Variants in SMAD2 observed in about 807,000 individuals in gnomAD.
The protein encoded by SMAD2 is SMAD family member 2, also known as MAD homolog 2.
In SMAD2, 8 loss-of-function variants were observed where a neutral mutation model predicts 64.4. That is an observed-to-expected ratio of 0.12 (90% confidence interval 0.07 to 0.22). SMAD2 has a LOEUF of 0.22. Ranked by LOEUF, SMAD2 falls within the 10% of genes least tolerant of loss-of-function variation. The probability of loss-of-function intolerance (pLI) is 1.00; values close to 1 mark genes in which losing one functional copy is unlikely to be tolerated. For synonymous variants in SMAD2, 203 were observed against 195.8 expected, an observed-to-expected ratio of 1.04 and a Z score of -0.31; for missense variants, 289 against 561.2, an observed-to-expected ratio of 0.51 and a Z score of 4.90.
chr18:47,910,452 G>T (rs1443878614), intron 1 of SMAD2, among the ~76,000 whole-genome samples: 1 of 152,170 alleles, frequency 6.6e-6, no homozygotes, highest in Non-Finnish European at 1.5e-5. Flanking sequence ...TCCATTACAT[G>T]GGCACTGAAA....
chr18:47,860,358 A>ACCT (rs1477673683), intron 6 of SMAD2, among the ~76,000 whole-genome samples: 2 of 151,646 alleles, frequency 1.3e-5, no homozygotes, highest in East Asian at 3.9e-4. Context: ...TGCAACCTCC[A>ACCT]CCTCCTGGGC....
At chr18:47,860,023 T>G (rs894570594) in intron 6 of SMAD2, among the ~76,000 whole-genome samples, 2 of 152,024 alleles carry the variant, frequency 1.3e-5, no homozygotes, top group Non-Finnish European at 2.9e-5. Context: ...TGGTCCCAGC[T>G]TCTCGAGAGG....
At chr18:47,860,075 G>T (rs963792162) in intron 6 of SMAD2, among the ~76,000 whole-genome samples, 2 of 152,062 alleles carry the variant, frequency 1.3e-5, no homozygotes, top group Non-Finnish European at 2.9e-5. Context: ...GGTTGAGGCT[G>T]CCGTGAGCCA....
chr18:47,869,512 AT>A (rs1308143353), intron 3 of SMAD2, 76 bp from the exon 4 acceptor site: 126 of 981,150 alleles, frequency 1.3e-4, no homozygotes, highest in Admixed American at 7.9e-4. Context: ...AATGGGCTAA[AT>A]TAGTACAATA....
At position 47,837,703 on chromosome 18, in the gene SMAD2, T is replaced by G. The variant is rs1187533219; in HGVS notation, c.*4124A>C. Reference sequence around the variant, plus strand: ...AATAGATTTAGCAAAGTAAAGCATATGAAAGGAAGAAATGTTTGATATGTC... The same window carrying G: ...AATAGATTTAGCAAAGTAAAGCATAGGAAAGGAAGAAATGTTTGATATGTC... On this transcript the variant is annotated 3_prime_UTR_variant, in exon 11 of 11. Transcript: ENST00000262160. 1.7e-5 allele frequency: 4 copies of G among 232,604 alleles called. No individual in the cohort carries two copies. Among genetic ancestry groups the G allele is most frequent in the Non-Finnish European group, 3.4e-5 (4 of 117,792 alleles). The allele number at this position is 232,604 out of a possible 1,614,324, so 14.4% of individuals were successfully genotyped here.
In SMAD2 at chr18:47,861,574, G is replaced by A. The variant is rs559639834; in HGVS notation, c.730+3485C>T. Among the ~76,000 whole-genome samples, 11 of 152,276 alleles carry A rather than the reference G, an allele frequency of 7.2e-5. No homozygotes were observed. The South Asian group carries it at 1.2e-3, about 17-fold the overall frequency. On this transcript the variant is annotated intron_variant, in intron 6 of 10. Transcript: ENST00000262160. Reference sequence around the variant, plus strand: ...AAAAAATTTATCTAATGAAAGACATGCTATACATCTACATCAAAAACTGTT... The same window carrying A: ...AAAAAATTTATCTAATGAAAGACATACTATACATCTACATCAAAAACTGTT...
chr18:47,882,075 CAG>C (rs1283120109), intron 2 of SMAD2, among the ~76,000 whole-genome samples: 1 of 57,718 alleles, frequency 1.7e-5, no homozygotes, highest in Non-Finnish European at 3.2e-5. Flanking sequence ...TTTGTGGAGA[CAG>C]AGTCTTATGT....
chr18:47,878,254 T>A (rs1175693061), intron 2 of SMAD2: 2 of 152,210 alleles, frequency 1.3e-5, no homozygotes, highest in African/African-American at 4.8e-5. Context: ...TAATACCAAG[T>A]CTTCCTAATC....
intron 2 of SMAD2, among the ~76,000 whole-genome samples, chr18:47,892,189 T>C (rs962596764): frequency 1.4e-5 from 2 of 145,802 alleles, no homozygotes; most frequent in Admixed American, 7.2e-5. Flanking sequence ...CAATAAACAT[T>C]ACCTAGACAT....
chr18:47,837,602 A>G lies in SMAD2; in HGVS notation c.*4225T>C, dbSNP rs1305304248. On this transcript the variant is annotated 3_prime_UTR_variant, in exon 11 of 11. Coordinates refer to ENST00000262160, the MANE Select transcript of SMAD2 (RefSeq NM_005901.6). ...AAACAAAAAACAAGGCTAACAAGAAAGAGGATAACCAGCAAGTACCACCTG... is the reference window on the plus strand; with the variant it reads ...AAACAAAAAACAAGGCTAACAAGAAGGAGGATAACCAGCAAGTACCACCTG... 2 of 232,808 alleles carry G rather than the reference A, an allele frequency of 8.6e-6. No homozygotes were observed. Among genetic ancestry groups the G allele is most frequent in the Admixed American group, 1.1e-4 (2 of 17,732 alleles). The allele number at this position is 232,808 out of a possible 1,614,324, so 14.4% of individuals were successfully genotyped here. A position where few individuals can be genotyped will look rare whatever the true frequency, so the allele number is the denominator to read the frequency against.
At chr18:47,887,416 T>G (rs976736314) in intron 2 of SMAD2, among the ~76,000 whole-genome samples, 7 of 152,184 alleles carry the variant, frequency 4.6e-5, no homozygotes, top group Non-Finnish European at 8.8e-5. Flanking sequence ...CTGGCTGGAC[T>G]GTAATCTGAT....
chr18:47,870,389 T>C, intron 3 of SMAD2, 86 bp downstream of exon 3: 1 of 958,180 alleles, frequency 1.0e-6, no homozygotes, highest in South Asian at 1.3e-5. Context: ...TAGGCAAAAT[T>C]ATACTAAGCA....
rs983943596 is a variant in SMAD2 at position 47,818,018 on chromosome 18, G to A, written c.*23809C>T. The A allele has an allele frequency of 3.3e-5, 5 of 152,204 alleles. No individual in the cohort carries two copies. Among genetic ancestry groups the A allele is most frequent in the Non-Finnish European group, 7.3e-5 (5 of 68,034 alleles). The allele number at this position is 152,204 out of a possible 1,614,324, so 9.4% of individuals were successfully genotyped here. ...GGTCAGCTATGTGGCTTTTCCTCAT[G>A]CATGTTTTTGGATCAATGACCATCA... On this transcript the variant is annotated 3_prime_UTR_variant, in exon 11 of 11. Transcript: ENST00000262160.
chr18:47,850,941 T>C (rs1030036446), intron 7 of SMAD2, among the ~76,000 whole-genome samples: 1 of 133,720 alleles, frequency 7.5e-6, no homozygotes, highest in Non-Finnish European at 1.6e-5. Context: ...ATATATGTAA[T>C]ACACATACCT....
chr18:47,928,375 G>T (rs1188875655), intron 1 of SMAD2, among the ~76,000 whole-genome samples: 1 of 152,126 alleles, frequency 6.6e-6, no homozygotes, highest in Non-Finnish European at 1.5e-5. Flanking sequence ...TTTTTCCATT[G>T]ACATATATTC....
rs144833127 is a variant in SMAD2, at chr18:47,902,393, C to T, written c.-53-5584G>A. ...AACTACTGCATCCTATCCCCCAAAACGTTCTAATTCCATTTGAATAGTAAG... is the reference window on the plus strand; with the variant it reads ...AACTACTGCATCCTATCCCCCAAAATGTTCTAATTCCATTTGAATAGTAAG... On this transcript the variant is annotated intron_variant, in intron 1 of 10. Transcript: ENST00000262160. 7.2e-5 allele frequency among the ~76,000 whole-genome samples: 11 copies of T among 152,280 alleles called. No individual in the cohort carries two copies. The East Asian group carries it at 2.1e-3, about 29-fold the overall frequency.
rs1392044043 is a variant in SMAD2 at position 47,834,328 on chromosome 18, T to G, written c.*7499A>C. On this transcript the variant is annotated 3_prime_UTR_variant, in exon 11 of 11. Coordinates refer to ENST00000262160, the MANE Select transcript of SMAD2 (RefSeq NM_005901.6). ...TTAAGTTCAAGATATGTACTCTCAA[T>G]GGAGAATCGCTTTTGGGCAGTGGTT... 9.6e-6 allele frequency: 2 copies of G among 208,446 alleles called. No homozygotes were observed. The highest frequency in any genetic ancestry group is 2.0e-5 in the Non-Finnish European group (2 of 102,450). The allele number at this position is 208,446 out of a possible 1,614,324, so 12.9% of individuals were successfully genotyped here.
chr18:47,841,738 A>G lies in SMAD2; in HGVS notation c.*89T>C, dbSNP rs781509025. Reference sequence around the variant, plus strand: ...GCTGTTTTCTCTCTTGAACTTTTGGATAGTAAACAGTCCATAGGGACCACA... The same window carrying G: ...GCTGTTTTCTCTCTTGAACTTTTGGGTAGTAAACAGTCCATAGGGACCACA... On this transcript the variant is annotated 3_prime_UTR_variant, in exon 11 of 11. Transcript: ENST00000262160. 5 of 1,492,514 alleles carry G rather than the reference A, an allele frequency of 3.4e-6. No individual in the cohort carries two copies. Among genetic ancestry groups the G allele is most frequent in the Non-Finnish European group, 4.7e-6 (5 of 1,073,282 alleles). The allele number at this position is 1,492,514 out of a possible 1,614,324, so 92.5% of individuals were successfully genotyped here. A position where few individuals can be genotyped will look rare whatever the true frequency, so the allele number is the denominator to read the frequency against.
rs1314669701 is a variant in SMAD2 at position 47,868,312 on chromosome 18, G to A, written c.655+11C>T. The A allele has an allele frequency of 1.2e-6, 2 of 1,611,356 alleles. No individual in the cohort carries two copies. On this transcript the variant is annotated intron_variant, in intron 5 of 10. Transcript: ENST00000262160. ...TATCCAAGTTTTAGGAGATTCAGAA[G>A]GCAAAAATACCTGGAATATAATTAC...
Sources: allele counts gnomAD v4.1 joint callset (sites outside exome capture counted in the v4.1 genomes callset), GRCh38; gene constraint gnomAD v4.1.1; transcripts MANE v1.5; gene names NCBI Gene and HGNC (gene_info 2026-07-23, HGNC 2026-07-21).